The following RAB4B variants were observed in gnomAD, a reference collection of about 807,000 sequenced individuals.
RAB4B encodes the protein RAB4B, member RAS oncogene family.
RAB4B carries 15 observed loss-of-function variants against 28.3 expected under a neutral mutation model. The ratio of observed to expected loss-of-function variants is 0.53; its 90% CI spans 0.35 to 0.82. RAB4B has a LOEUF of 0.82. Ranked by LOEUF, RAB4B falls within the 40% of genes least tolerant of loss-of-function variation. The pLI, the probability that RAB4B is intolerant of heterozygous loss-of-function variation, is 0.01. For synonymous variants in RAB4B, 108 were observed against 116.3 expected (o/e 0.93, Z 0.46); for missense variants, 244 against 288.5 (o/e 0.85, Z 1.12).
At chr19:40,784,356 G>A (rs1229050607) in intron 5 of RAB4B, among the ~76,000 whole-genome samples, 1 of 152,108 alleles carries the variant, frequency 6.6e-6, no homozygotes, top group African/African-American at 2.4e-5. Flanking sequence ...AGCTGGGTGT[G>A]GTGGCTCATG....
chr19:40,786,507 G>T, intron 5 of RAB4B, 158 bp from the exon 6 acceptor site: 1 of 1,106,380 alleles, frequency 9.0e-7, no homozygotes, highest in Non-Finnish European at 1.3e-6. Flanking sequence ...ATATCGGGAA[G>T]CGGACATTAG....
Position 40,780,047 on chromosome 19 carries a change from C to T in RAB4B, c.45C>T (p.Gly15=), listed in dbSNP as rs1474780429. Residue 15 remains glycine (G), a synonymous_variant, in exon 2 of 8, where the codon GGC becomes GGT. Transcript: ENST00000357052. ...YDFLFKFLVI[G]SAGTGKSCLL... Reference sequence around the variant, plus strand: ...TCCTCTTCAAATTCCTGGTGATTGGCAGTGCAGGAACTGGCAAATCATGTC... The same window carrying T: ...TCCTCTTCAAATTCCTGGTGATTGGTAGTGCAGGAACTGGCAAATCATGTC... 3 of 1,610,782 alleles carry T rather than the reference C, an allele frequency of 1.9e-6. No homozygotes were observed. Among genetic ancestry groups the T allele is most frequent in the African/African-American group, 2.7e-5 (2 of 74,808 alleles).
chr19:40,788,515 A>C (rs944489239), intron 7 of RAB4B, among the ~76,000 whole-genome samples: 1 of 146,930 alleles, frequency 6.8e-6, no homozygotes, highest in African/African-American at 2.5e-5. Flanking sequence ...TAAAGTATGT[A>C]GTAGTGAGGG....
chr19:40,794,177 C>T (rs1021628020), intron 7 of RAB4B, among the ~76,000 whole-genome samples: 2 of 151,888 alleles, frequency 1.3e-5, no homozygotes, highest in African/African-American at 2.4e-5. Flanking sequence ...CAAGTTCAAG[C>T]GATTCTCTTG....
chr19:40,783,730 G>C (rs1384885147), intron 3 of RAB4B, 48 bp from the exon 4 acceptor site: 2 of 1,500,188 alleles, frequency 1.3e-6, no homozygotes, highest in Non-Finnish European at 1.8e-6. Context: ...GGGCATTCTC[G>C]GGGCAGACCC....
intron 1 of RAB4B, chr19:40,779,773 C>A: frequency 2.1e-6 from 2 of 951,518 alleles, no homozygotes; most frequent in Middle Eastern, 3.7e-4. Flanking sequence ...ACAAAAAAAC[C>A]CCTGCACATG....
chr19:40,787,059 T>A, intron 7 of RAB4B, 81 bp downstream of exon 7: 1 of 1,204,018 alleles, frequency 8.3e-7, no homozygotes, highest in Non-Finnish European at 1.2e-6. Flanking sequence ...ACTGAACATG[T>A]GATGACAAGA....
intron 5 of RAB4B, chr19:40,786,194 CAG>C (rs950013986): frequency 2.2e-4 from 42 of 195,004 alleles, no homozygotes; most frequent in African/African-American, 9.1e-4. Flanking sequence ...GCAGAGGGCT[CAG>C]GGGTGGAATG....
chr19:40,790,157 A>C (rs1378850570), intron 7 of RAB4B, among the ~76,000 whole-genome samples: 1 of 152,156 alleles, frequency 6.6e-6, no homozygotes, highest in Admixed American at 6.6e-5. Flanking sequence ...TCAGGGGTGC[A>C]GAGAGTTCCT....
At chr19:40,785,745 C>G (rs1217959815) in intron 5 of RAB4B, 1 of 152,338 alleles carries the variant, frequency 6.6e-6, no homozygotes, top group Non-Finnish European at 1.5e-5. Flanking sequence ...TGTTCCTGTC[C>G]TAGATGGTGC....
At chr19:40,794,421 A>G (rs2145067524) in intron 7 of RAB4B, 1 of 151,256 alleles carries the variant, frequency 6.6e-6, no homozygotes, top group South Asian at 2.1e-4. Context: ...TTTTGTAGAG[A>G]TGGTGTCTAT....
intron 7 of RAB4B, among the ~76,000 whole-genome samples, chr19:40,791,400 G>A (rs1208316723): frequency 2.0e-5 from 3 of 152,010 alleles, no homozygotes; most frequent in Non-Finnish European, 2.9e-5. Context: ...GGACACAAAT[G>A]AACTCCTCAG....
intron 7 of RAB4B, among the ~76,000 whole-genome samples, chr19:40,788,600 T>C (rs77515290): frequency 6.6e-6 from 1 of 150,478 alleles, no homozygotes; most frequent in Non-Finnish European, 1.5e-5. Flanking sequence ...TTTTTTTTTT[T>C]CTTTGAGATG....
In RAB4B at chr19:40,784,094, A is replaced by G. The variant is rs754443894; in HGVS notation, c.430+19A>G. The G allele has an allele frequency of 2.2e-5, 35 of 1,590,300 alleles. No individual in the cohort carries two copies. The Admixed American group carries it at 5.9e-4, about 27-fold the overall frequency. Reference sequence around the variant, plus strand: ...GAGAATGGTGAGGGCTGTGTCGTGGACCAGGTGGTGGTGGGGGTGGACAGT... The same window carrying G: ...GAGAATGGTGAGGGCTGTGTCGTGGGCCAGGTGGTGGTGGGGGTGGACAGT... On this transcript the variant is annotated intron_variant, in intron 5 of 7. Transcript: ENST00000357052.
At chr19:40,786,116 AG>A (rs1216320740) in intron 5 of RAB4B, 1 of 158,226 alleles carries the variant, frequency 6.3e-6, no homozygotes, top group Non-Finnish European at 1.3e-5. Flanking sequence ...TGGGGGGCCC[AG>A]GTAGAGGGGT....
intron 7 of RAB4B, among the ~76,000 whole-genome samples, chr19:40,788,408 C>T (rs1003677120): frequency 1.3e-5 from 2 of 149,558 alleles, no homozygotes; most frequent in African/African-American, 4.9e-5. Context: ...GGCTTGAGTC[C>T]AGGTGTTCGA....
At chr19:40,795,695 G>GATTT (rs563508687) in intron 7 of RAB4B, among the ~76,000 whole-genome samples, 1,792 of 139,486 alleles carry the variant, frequency 0.013, 44 homozygotes, top group African/African-American at 0.042. Context: ...GTGCCTGGCC[G>GATTT]ATTTATTTAT....
chr19:40,785,843 C>G (rs914618791), intron 5 of RAB4B: 3 of 154,576 alleles, frequency 1.9e-5, no homozygotes, highest in Admixed American at 6.5e-5. Context: ...AGACCCACTT[C>G]CAGACAGTGA....
chr19:40,780,212 TGGC>T, intron 2 of RAB4B, 113 bp downstream of exon 2: 1 of 1,506,988 alleles, frequency 6.6e-7, no homozygotes, highest in East Asian at 2.3e-5. Flanking sequence ...AGTCCAGTGC[TGGC>T]TTTTTGGTCC....
Sources: allele counts gnomAD v4.1 joint callset (sites outside exome capture counted in the v4.1 genomes callset), GRCh38; gene constraint gnomAD v4.1.1; transcripts MANE v1.5; gene names NCBI Gene and HGNC (gene_info 2026-07-23, HGNC 2026-07-21).